UNC13A: variants seen among roughly 807,000 people sequenced by gnomAD.
UNC13A encodes the protein unc-13 homolog A, also known as protein unc-13 homolog A.
UNC13A carries 61 observed loss-of-function variants against 219.7 expected under a neutral mutation model. That is an observed-to-expected ratio of 0.28 (90% CI 0.23 to 0.34). The LOEUF is 0.34. UNC13A is among the 10% of genes least tolerant of loss of function. The pLI is 1.00. For synonymous variants in UNC13A, 920 were observed against 884.6 expected, an observed-to-expected ratio of 1.04 and a Z score of -0.71; for missense variants, 1,476 against 2,270.3, an observed-to-expected ratio of 0.65 and a Z score of 7.11.
chr19:17,639,611 C>T (rs936385274), intron 23 of UNC13A, 86 bp from the exon 24 acceptor site: 79 of 1,448,354 alleles, frequency 5.5e-5, no homozygotes, highest in Admixed American at 1.2e-4. Context: ...ACAAAGGCTC[C>T]CCGGTTTCAG....
rs775972806 is a variant in UNC13A at position 17,674,744 on chromosome 19, G to A, written c.65C>T (p.Thr22Met). The change falls in exon 3 of 44, where the codon ACG (threonine) becomes ATG (methionine). Residue 22 changes from threonine (T) to methionine (M), a missense_variant. Thr to Met is a moderately conservative substitution (Grantham distance 81). This residue lies in a region of UNC13A where 203 missense variants were observed against 301.6 expected (regional missense o/e 0.67). Transcript: ENST00000519716. The surrounding 1 kb of genome is among the most constrained non-coding windows in gnomAD (Gnocchi z 5.0). ...KFDGAQEKFNTYVTLKVQNVK... is the reference protein window; with the variant it reads ...KFDGAQEKFNMYVTLKVQNVK... Reference sequence around the variant, plus strand: ...ATTCTGCACTTTCAGGGTCACGTACGTGTTGAATTTCTCTGTGGCAGTGAG... The same window carrying A: ...ATTCTGCACTTTCAGGGTCACGTACATGTTGAATTTCTCTGTGGCAGTGAG... 2 of 1,613,952 alleles carry A rather than the reference G, an allele frequency of 1.2e-6. No individual in the cohort carries two copies. The highest frequency in any genetic ancestry group is 8.5e-7 in the Non-Finnish European group (1 of 1,179,868).
At chr19:17,687,246 AGCGTGGGCCTGG>A (rs528003604) in intron 1 of UNC13A, among the ~76,000 whole-genome samples, 81 of 151,772 alleles carry the variant, frequency 5.3e-4, no homozygotes, top group African/African-American at 1.9e-3. Context: ...CCCAACGCAG[AGCGTGGGCCTGG>A]GCGTGGGCCT....
In UNC13A at chr19:17,611,754, A is replaced by G. The variant is rs766363160; in HGVS notation, c.4651+9T>C. The G allele has an allele frequency of 1.2e-6, 2 of 1,613,518 alleles. No individual in the cohort carries two copies. The highest frequency in any genetic ancestry group is 1.3e-5 in the African/African-American group (1 of 75,058). On this transcript the variant is annotated intron_variant, in intron 42 of 43. Coordinates refer to ENST00000519716, the MANE Select transcript of UNC13A (RefSeq NM_001080421.3). Reference sequence around the variant, plus strand: ...ACCTAGCAAGTCCCTCCCACCTCAGACCACTCACCTTTCACTGTGACCTTG... The same window carrying G: ...ACCTAGCAAGTCCCTCCCACCTCAGGCCACTCACCTTTCACTGTGACCTTG...
chr19:17,609,476 C>A (rs1460267092), intron 43 of UNC13A, among the ~76,000 whole-genome samples: 1 of 152,052 alleles, frequency 6.6e-6, no homozygotes, highest in Non-Finnish European at 1.5e-5. Flanking sequence ...GCTGCCCCAA[C>A]GGTCCTGACA....
rs868560190 is a variant in UNC13A, at chr19:17,604,826, G to A, written c.*1228C>T. On this transcript the variant is annotated 3_prime_UTR_variant, in exon 44 of 44. Coordinates refer to ENST00000519716, the MANE Select transcript of UNC13A (RefSeq NM_001080421.3). ...GTTTGAATCAATGAATAGGCTCTTGGAGACTAAGCTCTCACTGTGTCACTG... is the reference window on the plus strand; with the variant it reads ...GTTTGAATCAATGAATAGGCTCTTGAAGACTAAGCTCTCACTGTGTCACTG... 1 of 152,226 alleles carries A rather than the reference G, an allele frequency of 6.6e-6. No homozygotes were observed. The highest frequency in any genetic ancestry group is 1.5e-5 in the Non-Finnish European group (1 of 68,058). 9.4% of individuals were successfully genotyped at this position (152,226 alleles called of 1,614,324 possible).
At chr19:17,659,484 T>C (rs2079515063) in intron 8 of UNC13A, among the ~76,000 whole-genome samples, 1 of 140,880 alleles carries the variant, frequency 7.1e-6, no homozygotes, top group Admixed American at 7.1e-5. Flanking sequence ...ACCTAGTCCA[T>C]GGGCCAGGCA....
chr19:17,612,165 C>T (rs1568499084), intron 41 of UNC13A: 3 of 237,520 alleles, frequency 1.3e-5, no homozygotes, highest in Middle Eastern at 1.3e-3. Flanking sequence ...TGTTACATTA[C>T]ATCTTGGCAG....
In UNC13A at chr19:17,627,344, G is replaced by T. The variant is rs879033324; in HGVS notation, c.3920+165C>A. 2.0e-5 allele frequency among the ~76,000 whole-genome samples: 3 copies of T among 151,864 alleles called. No individual in the cohort carries two copies. Among genetic ancestry groups the T allele is most frequent in the South Asian group, 4.1e-4 (2 of 4,820 alleles). ...CAGAGAAGTTAAGTGACTCACCCAA[G>T]GCCACACAGCTAGTAAGCAGTAAAG... On this transcript the variant is annotated intron_variant, in intron 33 of 43. Transcript: ENST00000519716. The surrounding 1 kb of genome is among the most constrained non-coding windows in gnomAD (Gnocchi z 4.7).
chr19:17,663,410 C>T (rs2079587133), intron 8 of UNC13A, 122 bp downstream of exon 8: 1 of 1,041,412 alleles, frequency 9.6e-7, no homozygotes, highest in Admixed American at 2.1e-5. Flanking sequence ...AGCCCTCTGG[C>T]CCCCACGTGC....
Position 17,604,168 on chromosome 19 carries a change from G to C in UNC13A, c.*1886C>G, listed in dbSNP as rs73026309. 24,981 of 152,030 alleles carry C rather than the reference G, an allele frequency of 0.16. 2,608 individuals are homozygous for C. Among genetic ancestry groups the C allele is most frequent in the Non-Finnish European group, 0.24 (16,465 of 67,966 alleles). 9.4% of individuals were successfully genotyped at this position (152,030 alleles called of 1,614,324 possible). A position where few individuals can be genotyped will look rare whatever the true frequency, so the allele number is the denominator to read the frequency against. On this transcript the variant is annotated 3_prime_UTR_variant, in exon 44 of 44. Coordinates refer to ENST00000519716, the MANE Select transcript of UNC13A (RefSeq NM_001080421.3). ...AAGAATCCATTTCAGTGTCCCCAAA[G>C]CACCTCCACCTCTCCTCACTGGTTT...
Position 17,674,444 on chromosome 19 carries a change from G to A in UNC13A, c.152+213C>T, listed in dbSNP as rs2079857286. On this transcript the variant is annotated intron_variant, in intron 3 of 43. Coordinates refer to ENST00000519716, the MANE Select transcript of UNC13A (RefSeq NM_001080421.3). The surrounding 1 kb of genome is among the most constrained non-coding windows in gnomAD (Gnocchi z 5.0). ...CAGGAGGCCAGGGCGGAGGCTGGCG[G>A]GCAGCAGGGACTTGGCTGGTGGCTG... 6.6e-6 allele frequency among the ~76,000 whole-genome samples: 1 copy of A among 152,174 alleles called. No individual in the cohort carries two copies. The highest frequency in any genetic ancestry group is 1.5e-5 in the Non-Finnish European group (1 of 68,036).
At chr19:17,675,738 T>C (rs1353092163) in intron 2 of UNC13A, among the ~76,000 whole-genome samples, 1 of 152,030 alleles carries the variant, frequency 6.6e-6, no homozygotes, top group Non-Finnish European at 1.5e-5. Flanking sequence ...TTCTACCTCT[T>C]AGGACCCTGG....
At chr19:17,619,167 C>T (rs1415666167) in intron 38 of UNC13A, 8 of 578,370 alleles carry the variant, frequency 1.4e-5, no homozygotes, top group East Asian at 5.6e-5. Flanking sequence ...AGGATAGTCC[C>T]CCACCCTCTC....
At chr19:17,658,409 T>C (rs2079498932) in intron 8 of UNC13A, 140 bp from the exon 9 acceptor site, 7 of 816,096 alleles carry the variant, frequency 8.6e-6, no homozygotes, top group Non-Finnish European at 1.4e-5. Context: ...TTGTGGGTCA[T>C]GTTAATAGAG....
At chr19:17,650,546 T>C (rs1568526857) in intron 12 of UNC13A, among the ~76,000 whole-genome samples, 1 of 152,090 alleles carries the variant, frequency 6.6e-6, no homozygotes, top group Non-Finnish European at 1.5e-5. Context: ...AAACCTTTCT[T>C]GGCTCATTGC....
At chr19:17,610,972 G>T (rs1248373155) in intron 42 of UNC13A, among the ~76,000 whole-genome samples, 2 of 152,100 alleles carry the variant, frequency 1.3e-5, no homozygotes, top group Non-Finnish European at 2.9e-5. Flanking sequence ...GTTTGAGGCT[G>T]CAGTGTGCTG....
At chr19:17,679,434 A>G in intron 1 of UNC13A, among the ~76,000 whole-genome samples, 1 of 150,962 alleles carries the variant, frequency 6.6e-6, no homozygotes, top group African/African-American at 2.4e-5. Flanking sequence ...ATAATAAAAG[A>G]GAGAGGGGGA....
At chr19:17,654,627 A>T (rs2079415790) in intron 11 of UNC13A, among the ~76,000 whole-genome samples, 1 of 152,040 alleles carries the variant, frequency 6.6e-6, no homozygotes, top group South Asian at 2.1e-4. Flanking sequence ...TGCCCATCTA[A>T]ACAGTCAGCT....
chr19:17,687,754 G>C (rs947597926), intron 1 of UNC13A, among the ~76,000 whole-genome samples: 9 of 152,028 alleles, frequency 5.9e-5, no homozygotes, highest in Admixed American at 1.3e-4. Context: ...GCGTCCATGA[G>C]GACCCGTAAC....
Sources: allele counts gnomAD v4.1 joint callset (sites outside exome capture counted in the v4.1 genomes callset), GRCh38; gene constraint gnomAD v4.1.1; regional missense constraint gnomAD v4.1.1; non-coding constraint Gnocchi (gnomAD v3.1); transcripts MANE v1.5; gene names NCBI Gene and HGNC (gene_info 2026-07-23, HGNC 2026-07-21).